RMC1: variants seen among roughly 807,000 people sequenced by gnomAD.
RMC1 encodes the protein regulator of MON1-CCZ1.
In RMC1, 44 loss-of-function variants were observed where a neutral mutation model predicts 95.5. That is an observed-to-expected ratio of 0.46 (90% CI 0.36 to 0.59). RMC1 has a LOEUF of 0.59. Among genes scored for constraint, RMC1 ranks in the 20% least tolerant of loss-of-function variants. The probability of loss-of-function intolerance (pLI) is 0.00; values close to 1 mark genes in which losing one functional copy is unlikely to be tolerated. For missense variants in RMC1, 705 were observed against 819.6 expected (o/e 0.86, Z 1.71); for synonymous variants, 320 against 303.6 (o/e 1.05, Z -0.56).
chr18:23,531,481 ATAGGGTAACCCCAAAACT>A (rs1344941511), intron 19 of RMC1, 126 bp from the exon 20 acceptor site: 3 of 1,443,132 alleles, frequency 2.1e-6, no homozygotes, highest in East Asian at 2.5e-5. Flanking sequence ...CTCAAAGCAG[ATAGGGTAACCCCAAAACT>A]TAGGAAAACA....
At position 23,516,436 on chromosome 18, in the gene RMC1, C is replaced by T. The variant is rs1567920730; in HGVS notation, c.653+13C>T. 6.2e-7 allele frequency: 1 copy of T among 1,610,846 alleles called. No homozygotes were observed. The highest frequency in any genetic ancestry group is 1.7e-5 in the Admixed American group (1 of 60,010). On this transcript the variant is annotated intron_variant, in intron 7 of 19. Transcript: ENST00000269221. ...CAATGGCTACCATGTATGTCCGTGT[C>T]AGAGAGAATTCCATCCTGTGATTGC... is the stretch of plus-strand genomic sequence containing the variant.
Position 23,526,780 on chromosome 18 carries a change from T to C in RMC1, c.1189+15T>C. On this transcript the variant is annotated intron_variant, in intron 13 of 19. Coordinates refer to ENST00000269221, the MANE Select transcript of RMC1 (RefSeq NM_013326.5). ...CTGTTCACAGAGTAAGTTGAATCCT[T>C]CCCCCTTGCTCTGATTCCAGTGTGA... is the stretch of plus-strand genomic sequence containing the variant. 1 of 1,611,890 alleles carries C rather than the reference T, an allele frequency of 6.2e-7. No homozygotes were observed. Among genetic ancestry groups the C allele is most frequent in the Non-Finnish European group, 8.5e-7 (1 of 1,179,020 alleles).
At chr18:23,504,808 C>A (rs367971773) in intron 2 of RMC1, 4 of 189,578 alleles carry the variant, frequency 2.1e-5, no homozygotes, top group Non-Finnish European at 4.5e-5. Flanking sequence ...GGAGGAGATT[C>A]ATTGTTTCTC....
At chr18:23,524,399 T>G (rs1232898733) in intron 11 of RMC1, 30 bp from the exon 12 acceptor site, 4 of 1,612,450 alleles carry the variant, frequency 2.5e-6, no homozygotes, top group Non-Finnish European at 3.4e-6. Context: ...TTTCATCTTT[T>G]CCTGGTTTAG....
chr18:23,519,334 A>T (rs1335613148), intron 9 of RMC1, among the ~76,000 whole-genome samples, 160 bp downstream of exon 9: 2 of 152,146 alleles, frequency 1.3e-5, no homozygotes, highest in Admixed American at 6.5e-5. Context: ...CCTGAGCAGC[A>T]TGGCAAAACC....
chr18:23,524,632 C>T (rs1788793), intron 12 of RMC1, 150 bp downstream of exon 12: 20 of 710,886 alleles, frequency 2.8e-5, no homozygotes, highest in Non-Finnish European at 3.8e-5. Flanking sequence ...TCACTTTATA[C>T]GTTTTTTACT....
chr18:23,524,850 C>T (rs867558671), intron 12 of RMC1, among the ~76,000 whole-genome samples: 4 of 150,778 alleles, frequency 2.7e-5, no homozygotes, highest in Non-Finnish European at 5.9e-5. Flanking sequence ...TGCATGAGCC[C>T]GGGAGGTGTG....
At chr18:23,530,918 G>A (rs1330457575) in intron 19 of RMC1, among the ~76,000 whole-genome samples, 1 of 152,112 alleles carries the variant, frequency 6.6e-6, no homozygotes, top group Admixed American at 6.5e-5. Flanking sequence ...GGAATAAGAC[G>A]GCAAATGGTG....
chr18:23,520,074 CT>C, intron 9 of RMC1, 127 bp from the exon 10 acceptor site: 1 of 666,194 alleles, frequency 1.5e-6, no homozygotes, highest in Admixed American at 2.5e-5. Context: ...CAAGTAAGAG[CT>C]AGCCTGTAGG....
intron 19 of RMC1, among the ~76,000 whole-genome samples, chr18:23,530,954 C>T: frequency 6.6e-6 from 1 of 152,116 alleles, no homozygotes; most frequent in East Asian, 1.9e-4. Context: ...GGGTCTGGGG[C>T]TTATTAAGGT....
Position 23,529,251 on chromosome 18 carries a change from C to T in RMC1, c.1369C>T (p.Gln457Ter). The T allele has an allele frequency of 6.2e-7, 1 of 1,614,002 alleles. No individual in the cohort carries two copies. The highest frequency in any genetic ancestry group is 8.5e-7 in the Non-Finnish European group (1 of 1,180,014). The change falls in exon 15 of 20, where the codon CAG (glutamine) becomes TAG (stop). Residue 457 changes from glutamine to a stop codon, truncating the protein, a stop_gained. Coordinates refer to ENST00000269221, the MANE Select transcript of RMC1 (RefSeq NM_013326.5). LOFTEE classifies it high-confidence loss of function. ...RPVRTQAVLD[Q>*]SDVYTHVLSA... Reference sequence around the variant, plus strand: ...GGTGCGGACCCAGGCGGTGCTGGACCAGTCAGATGTGTACACCCATGTCCT... The same window carrying T: ...GGTGCGGACCCAGGCGGTGCTGGACTAGTCAGATGTGTACACCCATGTCCT...
chr18:23,507,179 T>C lies in RMC1; in HGVS notation c.264+125T>C, dbSNP rs17202709. 3 of 643,000 alleles carry C rather than the reference T, an allele frequency of 4.7e-6. No individual in the cohort carries two copies. In the Admixed American group the frequency reaches 8.9e-5, roughly 19 times the overall value. 39.8% of individuals were successfully genotyped at this position (643,000 alleles called of 1,614,324 possible). ...CTTACTGTTGTGAAAGGTATAGTTA[T>C]GTTGCATTGTATTAGAGCCTTCAAA... On this transcript the variant is annotated intron_variant, in intron 3 of 19. Coordinates refer to ENST00000269221, the MANE Select transcript of RMC1 (RefSeq NM_013326.5).
intron 5 of RMC1, among the ~76,000 whole-genome samples, chr18:23,512,642 G>C (rs1340468656): frequency 6.7e-6 from 1 of 148,206 alleles, no homozygotes; most frequent in Non-Finnish European, 1.5e-5. Flanking sequence ...GTGTTGCCTA[G>C]ACTGGTCTTG....
At chr18:23,504,058 T>C (rs902608924) in intron 1 of RMC1, among the ~76,000 whole-genome samples, 4 of 152,372 alleles carry the variant, frequency 2.6e-5, no homozygotes, top group African/African-American at 9.6e-5. Flanking sequence ...GTCGAGATTT[T>C]CATTTTCCTT....
intron 14 of RMC1, chr18:23,528,222 T>C (rs2058366031): frequency 5.1e-6 from 1 of 196,356 alleles, no homozygotes; most frequent in Non-Finnish European, 1.0e-5. Context: ...TGCAATATTT[T>C]GTATATTTTT....
chr18:23,531,525 G>T, intron 19 of RMC1, 100 bp from the exon 20 acceptor site: 4 of 1,519,368 alleles, frequency 2.6e-6, no homozygotes, highest in Non-Finnish European at 3.5e-6. Flanking sequence ...TTTTATTAAA[G>T]AAAAATAAGT....
At chr18:23,526,562 G>A (rs2058303557) in intron 12 of RMC1, 75 bp from the exon 13 acceptor site, 2 of 1,565,208 alleles carry the variant, frequency 1.3e-6, no homozygotes, top group African/African-American at 1.4e-5. Context: ...CCCCGCAGAT[G>A]TTTAGGGGAA....
chr18:23,517,001 C>T (rs571824463), intron 7 of RMC1, among the ~76,000 whole-genome samples: 23 of 152,188 alleles, frequency 1.5e-4, no homozygotes, highest in African/African-American at 5.1e-4. Flanking sequence ...GCTGGGATTA[C>T]AGGCATGAGC....
chr18:23,530,499 G>A lies in RMC1; in HGVS notation c.1781G>A (p.Arg594Gln), dbSNP rs778109735. 3.1e-6 allele frequency: 5 copies of A among 1,614,112 alleles called. No homozygotes were observed. The highest frequency in any genetic ancestry group is 1.7e-5 in the Admixed American group (1 of 60,012). ...GGTGGCCATGACAACATTTCTGCAC[G>A]AAAATTTTTAGATGCTGCAAAGCAG... Reference protein sequence around the residue: ...GIGGHDNISARKFLDAAKQTE... With the variant: ...GIGGHDNISAQKFLDAAKQTE... Residue 594 changes from arginine (R) to glutamine (Q), a missense_variant, in exon 19 of 20, where the codon CGA becomes CAA. By Grantham distance (43) the Arg-to-Gln change is conservative. Transcript: ENST00000269221.
Sources: allele counts gnomAD v4.1 joint callset (sites outside exome capture counted in the v4.1 genomes callset), GRCh38; gene constraint gnomAD v4.1.1; transcripts MANE v1.5; gene names NCBI Gene and HGNC (gene_info 2026-07-23, HGNC 2026-07-21).